OPCML: variants seen among roughly 807,000 people sequenced by gnomAD.
OPCML encodes the protein opioid-binding protein/cell adhesion molecule.
Under a neutral mutation model 37.8 loss-of-function variants are expected in OPCML, and 13 were observed. The ratio of observed to expected loss-of-function variants is 0.34; its 90% confidence interval spans 0.22 to 0.55. OPCML has a LOEUF of 0.55. OPCML is among the 20% of genes least tolerant of loss of function. OPCML has a pLI of 0.91. For synonymous variants in OPCML, 176 were observed against 168.8 expected, an observed-to-expected ratio of 1.04 and a Z score of -0.33; for missense variants, 341 against 435.6, an observed-to-expected ratio of 0.78 and a Z score of 1.93.
At chr11:132,841,413 A>G (rs1941279702) in intron 2 of OPCML, among the ~76,000 whole-genome samples, 1 of 152,168 alleles carries the variant, frequency 6.6e-6, no homozygotes, top group Non-Finnish European at 1.5e-5. Context: ...TCTCTAGCCC[A>G]CTGTAGAGGG....
chr11:132,462,440 CAGG>C (rs1432216605), intron 4 of OPCML, among the ~76,000 whole-genome samples: 2 of 152,186 alleles, frequency 1.3e-5, no homozygotes, highest in African/African-American at 4.8e-5. Flanking sequence ...GAGCCCCACA[CAGG>C]AGATCACAGG....
intron 1 of OPCML, among the ~76,000 whole-genome samples, chr11:133,398,421 T>A (rs1945332442): frequency 6.6e-6 from 1 of 152,148 alleles, no homozygotes; most frequent in Non-Finnish European, 1.5e-5. Flanking sequence ...ATATCTGTCT[T>A]CTTTATACTC....
chr11:132,563,121 G>A (rs567027424), intron 3 of OPCML, among the ~76,000 whole-genome samples: 1 of 152,210 alleles, frequency 6.6e-6, no homozygotes, highest in African/African-American at 2.4e-5. Context: ...TAAGATAAAT[G>A]CTTATGCACA....
At chr11:133,307,226 T>C (rs973638086) in intron 1 of OPCML, among the ~76,000 whole-genome samples, 2 of 151,744 alleles carry the variant, frequency 1.3e-5, no homozygotes, top group Admixed American at 1.3e-4. Context: ...CTAGGGAAAA[T>C]GAGAAGCAAA....
At chr11:133,101,424 T>C (rs1233587642) in intron 1 of OPCML, among the ~76,000 whole-genome samples, 1 of 152,196 alleles carries the variant, frequency 6.6e-6, no homozygotes, top group African/African-American at 2.4e-5. Context: ...TAGAAACAAT[T>C]CTTAAAATCC....
At position 133,085,265 on chromosome 11, in the gene OPCML, G is replaced by T. The variant is rs573775419; in HGVS notation, c.62-142255C>A. Reference sequence around the variant, plus strand: ...TACAGATCTGCCTGGGATTGACAGAGTTCACACCCTGTGTTCAAACGCTTC... The same window carrying T: ...TACAGATCTGCCTGGGATTGACAGATTTCACACCCTGTGTTCAAACGCTTC... On this transcript the variant is annotated intron_variant, in intron 1 of 7. Transcript: ENST00000524381. 7.2e-4 allele frequency among the ~76,000 whole-genome samples: 110 copies of T among 152,306 alleles called. 2 individuals carry two copies. In the South Asian group the frequency reaches 0.012, roughly 16 times the overall value.
chr11:133,259,929 T>C (rs1201966543), intron 1 of OPCML, among the ~76,000 whole-genome samples: 1 of 152,176 alleles, frequency 6.6e-6, no homozygotes, highest in Non-Finnish European at 1.5e-5. Context: ...CCTGTCTTCA[T>C]AGAGTTTCCA....
intron 4 of OPCML, 38 bp from the exon 5 acceptor site, chr11:132,437,397 CTG>C (rs777730155): frequency 1.4e-5 from 23 of 1,608,652 alleles, no homozygotes; most frequent in Admixed American, 1.2e-4. Flanking sequence ...AATCAGGAAA[CTG>C]TGTAACCAGG....
At chr11:132,560,897 T>C (rs1238012865) in intron 3 of OPCML, among the ~76,000 whole-genome samples, 1 of 152,256 alleles carries the variant, frequency 6.6e-6, no homozygotes, top group African/African-American at 2.4e-5. Context: ...TTTCTTTTGC[T>C]GTGCAGAAGC....
chr11:132,682,075 C>A (rs1270526990), intron 2 of OPCML, among the ~76,000 whole-genome samples: 5 of 152,156 alleles, frequency 3.3e-5, no homozygotes, highest in African/African-American at 1.2e-4. Context: ...TCAGGGGACT[C>A]AGGTATCCCC....
intron 1 of OPCML, among the ~76,000 whole-genome samples, chr11:133,223,215 G>A (rs1939908922): frequency 6.6e-6 from 1 of 152,184 alleles, no homozygotes; most frequent in Non-Finnish European, 1.5e-5. Context: ...ACCGCCCAGT[G>A]CAATGATTTC....
At chr11:132,678,453 C>T (rs982668172) in intron 2 of OPCML, among the ~76,000 whole-genome samples, 1 of 152,106 alleles carries the variant, frequency 6.6e-6, no homozygotes, top group Non-Finnish European at 1.5e-5. Flanking sequence ...CAGATGTTTA[C>T]CGCAACTTTA....
chr11:132,851,923 G>T (rs1000990224), intron 2 of OPCML, among the ~76,000 whole-genome samples: 1 of 152,162 alleles, frequency 6.6e-6, no homozygotes, highest in Non-Finnish European at 1.5e-5. Flanking sequence ...TTCAGGACAC[G>T]CCACCTCTTT....
At chr11:132,566,675 C>A (rs1480720095) in intron 3 of OPCML, among the ~76,000 whole-genome samples, 6 of 152,280 alleles carry the variant, frequency 3.9e-5, no homozygotes, top group South Asian at 2.1e-4. Flanking sequence ...TGCTGCTGGG[C>A]AGAACATCAT....
At chr11:132,837,394 C>A (rs73041437) in intron 2 of OPCML, among the ~76,000 whole-genome samples, 1 of 152,086 alleles carries the variant, frequency 6.6e-6, no homozygotes, top group Non-Finnish European at 1.5e-5. Flanking sequence ...CTTTCAGTGG[C>A]CTTCTACTTC....
At chr11:133,265,830 G>A (rs1055669496) in intron 1 of OPCML, among the ~76,000 whole-genome samples, 5 of 152,202 alleles carry the variant, frequency 3.3e-5, no homozygotes, top group Admixed American at 6.5e-5. Flanking sequence ...AAAAACAGAA[G>A]GGGAAATGTG....
chr11:133,530,987 G>C (rs904678720), intron 1 of OPCML, among the ~76,000 whole-genome samples: 1 of 152,074 alleles, frequency 6.6e-6, no homozygotes, highest in Non-Finnish European at 1.5e-5. Context: ...CCTATAAAAA[G>C]GCAGGTAAGG....
intron 1 of OPCML, chr11:133,024,230 G>A (rs934132911): frequency 2.6e-6 from 1 of 390,536 alleles, no homozygotes; most frequent in Non-Finnish European, 3.5e-6. Context: ...CCAACCTCAG[G>A]CAGGTTGGTG....
At chr11:133,467,677 A>G (rs1013892481) in intron 1 of OPCML, among the ~76,000 whole-genome samples, 7 of 152,164 alleles carry the variant, frequency 4.6e-5, no homozygotes, top group Admixed American at 6.5e-5. Flanking sequence ...AAACTGAGAT[A>G]TAAGCCTGGT....
Sources: gnomAD v4.1 joint callset for allele counts (sites outside exome capture counted in the v4.1 genomes callset) on GRCh38, gnomAD v4.1.1 for gene constraint, MANE v1.5 for transcripts, NCBI Gene and HGNC (gene_info 2026-07-23, HGNC 2026-07-21) for gene names.